Variants in SLC5A1 observed in about 807,000 individuals in gnomAD.
The protein encoded by SLC5A1 is solute carrier family 5 member 1, also known as sodium/glucose cotransporter 1.
Under a neutral mutation model 73.5 loss-of-function variants are expected in SLC5A1, and 42 were observed. The observed-to-expected ratio is 0.57, with a 90% CI of 0.45 to 0.74. The LOEUF is 0.74. Among genes scored for constraint, SLC5A1 ranks in the 30% least tolerant of loss-of-function variants. The probability of loss-of-function intolerance (pLI) is 0.00; values close to 1 mark genes in which losing one functional copy is unlikely to be tolerated. For missense variants in SLC5A1, 634 were observed against 855.4 expected, an observed-to-expected ratio of 0.74 and a Z score of 3.23; for synonymous variants, 300 against 317.4, an observed-to-expected ratio of 0.95 and a Z score of 0.58.
At chr22:32,089,237 A>G (rs959164663) in intron 10 of SLC5A1, among the ~76,000 whole-genome samples, 2 of 152,228 alleles carry the variant, frequency 1.3e-5, no homozygotes, top group African/African-American at 4.8e-5. Context: ...TAACTTCTAT[A>G]TCTCTGATAG....
chr22:32,111,535 T>C lies in SLC5A1; in HGVS notation c.*1322T>C, dbSNP rs1334589283. On this transcript the variant is annotated 3_prime_UTR_variant, in exon 15 of 15. Coordinates refer to ENST00000266088, the MANE Select transcript of SLC5A1 (RefSeq NM_000343.4). ...ACAGATAAAGTATGCATTTTGGAGA[T>C]TTCCAAGCCAGAGTCTCCCGTGAAA... 1 of 152,012 alleles carries C rather than the reference T, an allele frequency of 6.6e-6. No individual in the cohort carries two copies. Among genetic ancestry groups the C allele is most frequent in the Non-Finnish European group, 1.5e-5 (1 of 68,018 alleles). 9.4% of individuals were successfully genotyped at this position (152,012 alleles called of 1,614,324 possible). A position where few individuals can be genotyped will look rare whatever the true frequency, so the allele number is the denominator to read the frequency against.
At chr22:32,101,172 G>C (rs1431937360) in intron 12 of SLC5A1, among the ~76,000 whole-genome samples, 2 of 152,194 alleles carry the variant, frequency 1.3e-5, no homozygotes, top group Admixed American at 6.5e-5. Flanking sequence ...GGCTAGCAAA[G>C]AGGCTGACCA....
rs2094056203 is a variant in SLC5A1 at position 32,111,162 on chromosome 22, A to G, written c.*949A>G. On this transcript the variant is annotated 3_prime_UTR_variant, in exon 15 of 15. Transcript: ENST00000266088. ...TTAGTTTTCTAGGGATGCCATAACA[A>G]AGTAGCACAGACCAGATGGCTCAAG... is the stretch of plus-strand genomic sequence containing the variant. 1 of 152,162 alleles carries G rather than the reference A, an allele frequency of 6.6e-6. No homozygotes were observed. Among genetic ancestry groups the G allele is most frequent in the African/African-American group, 2.4e-5 (1 of 41,430 alleles). The allele number at this position is 152,162 out of a possible 1,614,324, so 9.4% of individuals were successfully genotyped here.
At chr22:32,066,913 T>C in intron 2 of SLC5A1, 22 bp from the exon 3 acceptor site, 1 of 1,569,490 alleles carries the variant, frequency 6.4e-7, no homozygotes, top group East Asian at 2.2e-5. Flanking sequence ...AGCCCTCACC[T>C]GACTTTCTTT....
intron 1 of SLC5A1, among the ~76,000 whole-genome samples, chr22:32,047,284 T>C (rs1173337761): frequency 6.6e-6 from 1 of 152,192 alleles, no homozygotes; most frequent in East Asian, 1.9e-4. Flanking sequence ...CTTCACCTTT[T>C]GTCCCTCCCC....
intron 1 of SLC5A1, among the ~76,000 whole-genome samples, chr22:32,049,393 T>A (rs1046533304): frequency 2.8e-5 from 4 of 143,830 alleles, no homozygotes; most frequent in African/African-American, 7.4e-5. Flanking sequence ...TGGTACTTTT[T>A]AAAAGTATGA....
chr22:32,052,139 T>G (rs2093945904), intron 2 of SLC5A1, among the ~76,000 whole-genome samples: 1 of 152,236 alleles, frequency 6.6e-6, no homozygotes, highest in Non-Finnish European at 1.5e-5. Context: ...ATGACAGAGC[T>G]AAGACTTCCT....
chr22:32,060,114 TATATATACATACACAC>T (rs1436610685), intron 2 of SLC5A1, among the ~76,000 whole-genome samples: 3 of 138,360 alleles, frequency 2.2e-5, no homozygotes, highest in Admixed American at 7.1e-5. Flanking sequence ...TACACACACA[TATATATACATACACAC>T]ATATATATAC....
At chr22:32,066,570 G>A (rs1047461545) in intron 2 of SLC5A1, among the ~76,000 whole-genome samples, 13 of 152,186 alleles carry the variant, frequency 8.5e-5, no homozygotes, top group African/African-American at 3.1e-4. Flanking sequence ...TGGAGATCAA[G>A]GGCTCATGCT....
At chr22:32,056,599 C>T (rs1039930706) in intron 2 of SLC5A1, among the ~76,000 whole-genome samples, 16 of 151,836 alleles carry the variant, frequency 1.1e-4, no homozygotes, top group African/African-American at 3.9e-4. Context: ...GTTTAAGGAC[C>T]ACTATTGGAG....
At chr22:32,108,606 A>C (rs563681034) in intron 14 of SLC5A1, among the ~76,000 whole-genome samples, 1 of 152,264 alleles carries the variant, frequency 6.6e-6, no homozygotes, top group Non-Finnish European at 1.5e-5. Flanking sequence ...ATGGATTAGG[A>C]GTATTTTGAG....
At chr22:32,076,586 T>C (rs942544453) in intron 5 of SLC5A1, among the ~76,000 whole-genome samples, 1 of 152,246 alleles carries the variant, frequency 6.6e-6, no homozygotes, top group Non-Finnish European at 1.5e-5. Context: ...CTTTTGCTTT[T>C]GCTTAAGATT....
chr22:32,044,056 G>A (rs1288888320), intron 1 of SLC5A1, among the ~76,000 whole-genome samples: 1 of 151,786 alleles, frequency 6.6e-6, no homozygotes, highest in East Asian at 1.9e-4. Context: ...AAATGTGTGT[G>A]TCTCCTTTTG....
intron 10 of SLC5A1, among the ~76,000 whole-genome samples, chr22:32,089,052 A>G (rs2094012699): frequency 6.6e-6 from 1 of 152,266 alleles, no homozygotes; most frequent in Admixed American, 6.5e-5. Flanking sequence ...AATTAAATGA[A>G]TGGGGTCTGA....
At chr22:32,090,731 A>G (rs9609424) in intron 10 of SLC5A1, among the ~76,000 whole-genome samples, 6,516 of 151,664 alleles carry the variant, frequency 0.043, 201 homozygotes, top group African/African-American at 0.085. Flanking sequence ...GGGTAGAGAG[A>G]AATGAAATTC....
At position 32,081,961 on chromosome 22, in the gene SLC5A1, C is replaced by T. The variant is rs759024276; in HGVS notation, c.573C>T (p.Tyr191=). ...TCTTATTGGCAATCACTGCCCTTTA[C>T]ACAATTACAGGTGAGTCCATTCAAA... ...IFLLLAITAL[Y]TITGGLAAVI... Residue 191 remains tyrosine (Y), a synonymous_variant, in exon 6 of 15, where the codon TAC becomes TAT. Transcript: ENST00000266088. 1.1e-5 allele frequency: 18 copies of T among 1,605,718 alleles called. No individual in the cohort carries two copies. In the South Asian group the frequency reaches 1.9e-4, roughly 17 times the overall value.
intron 1 of SLC5A1, among the ~76,000 whole-genome samples, chr22:32,048,382 G>C (rs2093939918): frequency 6.6e-6 from 1 of 152,184 alleles, no homozygotes; most frequent in Admixed American, 6.5e-5. Context: ...CAAGGGATCT[G>C]TGGGAGGAGC....
At chr22:32,048,934 G>T (rs1471132813) in intron 1 of SLC5A1, among the ~76,000 whole-genome samples, 1 of 151,912 alleles carries the variant, frequency 6.6e-6, no homozygotes, top group Non-Finnish European at 1.5e-5. Context: ...GCTGGGCGTA[G>T]TAGCACATGC....
At chr22:32,087,685 T>C (rs1490243192) in intron 10 of SLC5A1, among the ~76,000 whole-genome samples, 1 of 152,156 alleles carries the variant, frequency 6.6e-6, no homozygotes, top group East Asian at 1.9e-4. Flanking sequence ...AATCTCCTAA[T>C]TCTGGCTCAA....
Sources: allele counts gnomAD v4.1 joint callset (sites outside exome capture counted in the v4.1 genomes callset), GRCh38; gene constraint gnomAD v4.1.1; transcripts MANE v1.5; gene names NCBI Gene and HGNC (gene_info 2026-07-23, HGNC 2026-07-21).